The following CPNE7 variants were observed in gnomAD, a reference collection of about 807,000 sequenced individuals.
CPNE7 encodes copine-7.
CPNE7 carries 78 observed loss-of-function variants against 66.5 expected under a neutral mutation model. The ratio of observed to expected loss-of-function variants is 1.17; its 90% CI spans 0.98 to 1.42. The LOEUF is 1.42. Ranked by LOEUF, CPNE7 falls within the 40% of genes most tolerant of loss-of-function variation. CPNE7 has a pLI of 0.00. For missense variants in CPNE7, 1,012 were observed against 776.6 expected (o/e 1.30, Z -3.60); for synonymous variants, 468 against 336.7 (o/e 1.39, Z -4.27).
rs1259945074 is a variant in CPNE7 at position 89,580,793 on chromosome 16, CACACGGAACATCCCGTCACCTGTA to C, written c.358-2883_358-2860del. 2.6e-3 allele frequency among the ~76,000 whole-genome samples: 390 copies of C among 149,936 alleles called. 2 individuals carry two copies. Among genetic ancestry groups the C allele is most frequent in the African/African-American group, 8.2e-3 (333 of 40,428 alleles). On this transcript the variant is annotated intron_variant, in intron 2 of 14. Transcript: ENST00000319518. ...CGCTGACACAGAACATCTCACCCGT[CACACGGAACATCCCGTCACCTGTA>C]ACACGGAACATCCCGTCACCCATCA...
At chr16:89,585,187 A>G (rs2059015642) in intron 5 of CPNE7, among the ~76,000 whole-genome samples, 1 of 152,206 alleles carries the variant, frequency 6.6e-6, no homozygotes, top group Non-Finnish European at 1.5e-5. Flanking sequence ...GTGAAAATGA[A>G]TCTATTTAAG....
chr16:89,587,473 T>A lies in CPNE7; in HGVS notation c.927+371T>A, dbSNP rs138756433. The A allele has an allele frequency of 3.0e-4, 134 of 440,384 alleles. 1 individual carries two copies. In the East Asian group the frequency reaches 8.9e-3, roughly 29 times the overall value. The allele number at this position is 440,384 out of a possible 1,614,324, so 27.3% of individuals were successfully genotyped here. ...CTTTTGCGCAGGCGAGGAAACGGGC[T>A]TGGGGTTCAGGAAGCAGCCCCAAGC... On this transcript the variant is annotated intron_variant, in intron 9 of 14. Coordinates refer to ENST00000319518, the MANE Select transcript of CPNE7 (RefSeq NM_153636.3).
rs1567963674 is a variant in CPNE7, at chr16:89,589,885, CCT to C, written c.1062-7_1062-6del. The C allele has an allele frequency of 5.6e-6, 9 of 1,613,700 alleles. No individual in the cohort carries two copies. The highest frequency in any genetic ancestry group is 3.3e-5 in the Admixed American group (2 of 60,012). ...GTCAGGGCCTCCTGGTGACCTCCTG[CCT>C]CTCTTCCAGTGACAAGAGGTTTTCC... On this transcript the variant is annotated splice_polypyrimidine_tract_variant and intron_variant, in intron 10 of 14. Transcript: ENST00000319518.
chr16:89,595,935 A>T (rs765348553), intron 14 of CPNE7: 6 of 524,556 alleles, frequency 1.1e-5, no homozygotes, highest in Admixed American at 2.3e-5. Flanking sequence ...GTGAGGTTCT[A>T]CCCGCCGAGA....
chr16:89,577,775 C>A, intron 2 of CPNE7, 54 bp downstream of exon 2: 3 of 1,526,190 alleles, frequency 2.0e-6, no homozygotes, highest in African/African-American at 1.4e-5. Flanking sequence ...GGGGCCACAG[C>A]CGATTCAAGG....
intron 13 of CPNE7, among the ~76,000 whole-genome samples, chr16:89,591,775 C>G (rs963069423): frequency 2.6e-5 from 4 of 151,970 alleles, no homozygotes; most frequent in African/African-American, 9.7e-5. Flanking sequence ...TCCCAGCTCA[C>G]TGCAACCTCT....
rs1278309646 is a variant in CPNE7 at position 89,584,706 on chromosome 16, A to C, written c.508-68A>C. 1.3e-5 allele frequency: 16 copies of C among 1,233,416 alleles called. No individual in the cohort carries two copies. The African/African-American group carries it at 1.5e-4, about 11-fold the overall frequency. 76.4% of individuals were successfully genotyped at this position (1,233,416 alleles called of 1,614,324 possible). On this transcript the variant is annotated intron_variant, in intron 4 of 14. Transcript: ENST00000319518. The surrounding 1 kb of genome is among the most constrained non-coding windows in gnomAD (Gnocchi z 6.0). ...CATGAAGTGAGCCCTGGGAAACGAC[A>C]AAGCCAGCTCCCATCCAAAGCCCGA... is the stretch of plus-strand genomic sequence containing the variant.
chr16:89,593,321 G>A (rs773046313), intron 13 of CPNE7, among the ~76,000 whole-genome samples: 4 of 151,528 alleles, frequency 2.6e-5, no homozygotes, highest in Admixed American at 6.6e-5. Context: ...TGAACCGTCC[G>A]AGAGCACGTT....
chr16:89,586,261 G>T (rs1597704525), intron 7 of CPNE7, among the ~76,000 whole-genome samples: 1 of 152,062 alleles, frequency 6.6e-6, no homozygotes, highest in African/African-American at 2.4e-5. Flanking sequence ...AGCAGGGGTG[G>T]CCCCCATCAG....
chr16:89,587,664 CCCGCAGA>C (rs2059077646), intron 9 of CPNE7: 5 of 428,378 alleles, frequency 1.2e-5, no homozygotes, highest in South Asian at 4.9e-5. Context: ...CCCCATGTCA[CCCGCAGA>C]CCCCGCGTCA....
At chr16:89,582,720 C>T (rs1430782261) in intron 2 of CPNE7, among the ~76,000 whole-genome samples, 4 of 152,356 alleles carry the variant, frequency 2.6e-5, no homozygotes, top group South Asian at 2.1e-4. Context: ...CTGGCCAGGC[C>T]GGCCCTGGTT....
chr16:89,595,795 T>G, intron 14 of CPNE7, 192 bp downstream of exon 14: 1 of 701,028 alleles, frequency 1.4e-6, no homozygotes, highest in Non-Finnish European at 2.6e-6. Context: ...TGAAACACCC[T>G]CCACCGTTTT....
intron 1 of CPNE7, among the ~76,000 whole-genome samples, chr16:89,576,531 C>T (rs1474706638): frequency 6.6e-6 from 1 of 152,138 alleles, no homozygotes; most frequent in Non-Finnish European, 1.5e-5. Flanking sequence ...CCGGGGCTCC[C>T]GCTCCAACGT....
chr16:89,589,637 G>T (rs956218584), intron 10 of CPNE7, among the ~76,000 whole-genome samples: 1 of 152,178 alleles, frequency 6.6e-6, no homozygotes, highest in African/African-American at 2.4e-5. Context: ...CCGGGGAGGC[G>T]TCTGCAGGGG....
rs1471536874 is a variant in CPNE7, at chr16:89,577,710, A to G, written c.346A>G (p.Thr116Ala). 6.3e-6 allele frequency: 10 copies of G among 1,593,454 alleles called. No individual in the cohort carries two copies. Among genetic ancestry groups the G allele is most frequent in the Non-Finnish European group, 8.5e-6 (10 of 1,170,410 alleles). The change falls in exon 2 of 15, where the codon ACC becomes GCC. Residue 116 changes from threonine (T) to alanine (A), a missense_variant. Thr to Ala is a moderately conservative substitution (Grantham distance 58). Transcript: ENST00000319518. Reference sequence around the variant, plus strand: ...CGATTTCCTGGGGGGCATGGAGTGCACCCTGGGGCAGGTGGGTGCCCCGTC... The same window carrying G: ...CGATTTCCTGGGGGGCATGGAGTGCGCCCTGGGGCAGGTGGGTGCCCCGTC... Reference protein sequence around the residue: ...EDDFLGGMECTLGQIVAQKKV... With the variant: ...EDDFLGGMECALGQIVAQKKV...
In CPNE7 at chr16:89,575,872, C is replaced by T; in HGVS notation, c.-26C>T. 8.3e-7 allele frequency: 1 copy of T among 1,198,026 alleles called. No homozygotes were observed. The highest frequency in any genetic ancestry group is 1.0e-6 in the Non-Finnish European group (1 of 966,254). 74.2% of individuals were successfully genotyped at this position (1,198,026 alleles called of 1,614,324 possible). ...GCGGGCAGCGGCCCCTCAGTGCGCC[C>T]AGCCGGGCCCCCGAACGCCGGGAGC... On this transcript the variant is annotated 5_prime_UTR_variant, in exon 1 of 15. Transcript: ENST00000319518.
chr16:89,592,511 C>T (rs1269724388), intron 13 of CPNE7, among the ~76,000 whole-genome samples: 3 of 148,028 alleles, frequency 2.0e-5, no homozygotes, highest in Non-Finnish European at 3.0e-5. Flanking sequence ...GGTGCAATCT[C>T]GGCTCACTGC....
chr16:89,578,075 T>C (rs916389972), intron 2 of CPNE7, among the ~76,000 whole-genome samples: 1 of 149,684 alleles, frequency 6.7e-6, no homozygotes, highest in African/African-American at 2.5e-5. Context: ...TTCTTTTTTT[T>C]TTTTTTTGAG....
At chr16:89,595,789 A>G in intron 14 of CPNE7, 186 bp downstream of exon 14, 1 of 706,450 alleles carries the variant, frequency 1.4e-6, no homozygotes, top group Non-Finnish European at 2.6e-6. Context: ...AGCACCTGAA[A>G]CACCCTCCAC....
Sources: gnomAD v4.1 joint callset for allele counts (sites outside exome capture counted in the v4.1 genomes callset) on GRCh38, gnomAD v4.1.1 for gene constraint, Gnocchi (gnomAD v3.1) non-coding constraint, MANE v1.5 for transcripts, NCBI Gene and HGNC (gene_info 2026-07-23, HGNC 2026-07-21) for gene names.